ATP8A2: variants seen among roughly 807,000 people sequenced by gnomAD.
The protein encoded by ATP8A2 is ATPase phospholipid transporting 8A2, also known as phospholipid-transporting ATPase IB.
Under a neutral mutation model 165.6 loss-of-function variants are expected in ATP8A2, and 100 were observed. The observed-to-expected ratio is 0.60, with a 90% CI of 0.51 to 0.71. The LOEUF (loss-of-function observed/expected upper bound fraction) is 0.71. Ranked by LOEUF, ATP8A2 falls within the 30% of genes least tolerant of loss-of-function variation. ATP8A2 has a pLI of 0.00. For missense variants in ATP8A2, 1,227 were observed against 1,479.5 expected (o/e 0.83, Z 2.80); for synonymous variants, 543 against 548.8 (o/e 0.99, Z 0.15).
intron 33 of ATP8A2, among the ~76,000 whole-genome samples, chr13:25,931,761 C>T (rs1379300903): frequency 6.6e-6 from 1 of 152,014 alleles, no homozygotes; most frequent in Non-Finnish European, 1.5e-5. Context: ...CAGGGAAAAG[C>T]CAGGGCCAGG....
chr13:25,570,199 T>C (rs2039425098), intron 16 of ATP8A2, among the ~76,000 whole-genome samples: 1 of 152,186 alleles, frequency 6.6e-6, no homozygotes, highest in African/African-American at 2.4e-5. Context: ...GAATAGACAC[T>C]GTATAGAACA....
chr13:25,811,220 G>C (rs1168914989), intron 27 of ATP8A2, among the ~76,000 whole-genome samples: 1 of 152,122 alleles, frequency 6.6e-6, no homozygotes, highest in Admixed American at 6.5e-5. Context: ...TGTGTGAAAG[G>C]CACTTGGCAA....
chr13:25,375,022 C>A (rs902346587), intron 1 of ATP8A2, among the ~76,000 whole-genome samples: 5 of 152,210 alleles, frequency 3.3e-5, no homozygotes, highest in African/African-American at 1.2e-4. Flanking sequence ...TCTTGTTCTG[C>A]ATATTCAATT....
At chr13:25,460,505 C>T (rs547080660) in intron 1 of ATP8A2, among the ~76,000 whole-genome samples, 5 of 152,166 alleles carry the variant, frequency 3.3e-5, no homozygotes, top group Non-Finnish European at 5.9e-5. Flanking sequence ...GTGTTTGAAA[C>T]ATAGCTTTTC....
rs2041220251 is a variant in ATP8A2, at chr13:25,630,710, C to T, written c.2211+41011C>T. Among the ~76,000 whole-genome samples the T allele has an allele frequency of 2.0e-5, 3 of 152,096 alleles. No homozygotes were observed. In the South Asian group the frequency reaches 6.2e-4, roughly 32 times the overall value. The stretch of plus-strand genomic sequence containing the variant: ...ATGTAAAATATGCTTCTTAATAATA[C>T]ATGTTGGTGATAATCAGATAAATGG... On this transcript the variant is annotated intron_variant, in intron 24 of 36. Transcript: ENST00000381655.
At position 25,513,424 on chromosome 13, in the gene ATP8A2, A is replaced by C. The variant is rs557318720; in HGVS notation, c.222-16575A>C. On this transcript the variant is annotated intron_variant, in intron 2 of 36. Transcript: ENST00000381655. ...TGGCGGCCGGGAAGAGGCGCTCCTC[A>C]CTTCCTAGATGTGATGGCGGCCGGG... Among the ~76,000 whole-genome samples, 730 of 141,914 alleles carry C rather than the reference A, an allele frequency of 5.1e-3. 3 individuals carry two copies. The highest frequency in any genetic ancestry group is 0.011 in the African/African-American group (417 of 39,528). 93.1% of individuals were successfully genotyped at this position (141,914 alleles called of 152,430 possible).
Position 25,717,514 on chromosome 13 carries a change from A to T in ATP8A2, c.2384+18169A>T, listed in dbSNP as rs2043282729. ...GGGGAGGTCAAGTCACTTACCCTAGATCACAAAACTATGAAACTGGGTAAG... is the reference window on the plus strand; with the variant it reads ...GGGGAGGTCAAGTCACTTACCCTAGTTCACAAAACTATGAAACTGGGTAAG... On this transcript the variant is annotated intron_variant, in intron 25 of 36. Transcript: ENST00000381655. Among the ~76,000 whole-genome samples, 5 of 151,946 alleles carry T rather than the reference A, an allele frequency of 3.3e-5. No homozygotes were observed. The South Asian group carries it at 1.0e-3, about 32-fold the overall frequency.
At chr13:25,692,128 G>A (rs1344145475) in intron 24 of ATP8A2, among the ~76,000 whole-genome samples, 1 of 152,190 alleles carries the variant, frequency 6.6e-6, no homozygotes, top group East Asian at 1.9e-4. Flanking sequence ...TGGTCGACAG[G>A]GGACAGGAGA....
intron 33 of ATP8A2, chr13:25,927,279 T>A (rs1954637460): frequency 2.2e-6 from 1 of 453,998 alleles, no homozygotes; most frequent in South Asian, 1.6e-5. Context: ...TTATCACCTT[T>A]GTTGAACAAA....
rs548662440 is a variant in ATP8A2 at position 25,555,481 on chromosome 13, G to A, written c.1263+413G>A. On this transcript the variant is annotated intron_variant, in intron 13 of 36. Transcript: ENST00000381655. ...CTCGCATGTTCCGAATTTTGTCTCTGGAATATTCTAGGGAACAGTATCTTT... is the reference window on the plus strand; with the variant it reads ...CTCGCATGTTCCGAATTTTGTCTCTAGAATATTCTAGGGAACAGTATCTTT... Among the ~76,000 whole-genome samples, 3 of 152,112 alleles carry A rather than the reference G, an allele frequency of 2.0e-5. No homozygotes were observed. The East Asian group carries it at 5.8e-4, about 29-fold the overall frequency.
chr13:25,706,785 A>G (rs775724491), intron 25 of ATP8A2, among the ~76,000 whole-genome samples: 7 of 152,168 alleles, frequency 4.6e-5, no homozygotes, highest in Non-Finnish European at 7.4e-5. Context: ...CTGTAAGTCT[A>G]TCCTTGGGCT....
chr13:25,572,569 CA>C lies in ATP8A2; in HGVS notation c.1662+880del, dbSNP rs539575120. On this transcript the variant is annotated intron_variant, in intron 18 of 36. Coordinates refer to ENST00000381655, the MANE Select transcript of ATP8A2 (RefSeq NM_016529.6). ...TTTAGTGATAGGAAAATAATTATAT[CA>C]AATAGGAGGTCAAATACAGACCCTT... 1.7e-3 allele frequency among the ~76,000 whole-genome samples: 260 copies of C among 152,240 alleles called. 2 individuals are homozygous for C. The highest frequency in any genetic ancestry group is 6.0e-3 in the African/African-American group (250 of 41,544).
At chr13:25,699,569 A>G (rs1024813392) in intron 25 of ATP8A2, among the ~76,000 whole-genome samples, 1 of 152,230 alleles carries the variant, frequency 6.6e-6, no homozygotes, top group African/African-American at 2.4e-5. Context: ...GAAGATAAAA[A>G]GAGTAAGAAC....
At chr13:25,373,499 T>A (rs1274367002) in intron 1 of ATP8A2, among the ~76,000 whole-genome samples, 3 of 152,010 alleles carry the variant, frequency 2.0e-5, no homozygotes, top group African/African-American at 7.3e-5. Context: ...GAGGGCGCAG[T>A]CATACAGGTG....
chr13:25,927,431 C>G, intron 33 of ATP8A2: 2 of 349,928 alleles, frequency 5.7e-6, no homozygotes, highest in South Asian at 4.4e-5. Context: ...GAATTCTGAG[C>G]TTTTCTGGGT....
intron 24 of ATP8A2, among the ~76,000 whole-genome samples, chr13:25,662,012 G>A (rs2042061128): frequency 1.3e-5 from 2 of 152,152 alleles, no homozygotes; most frequent in Non-Finnish European, 2.9e-5. Flanking sequence ...GAATTCTGAA[G>A]TGTGATTGCC....
At chr13:25,991,679 T>C (rs9553693) in intron 35 of ATP8A2, among the ~76,000 whole-genome samples, 88,799 of 152,070 alleles carry the variant, frequency 0.58, 26,196 homozygotes, top group East Asian at 0.82. Context: ...CCATAGTTTC[T>C]TCCTGTTTAC....
At chr13:25,938,020 T>C (rs1213233272) in intron 33 of ATP8A2, among the ~76,000 whole-genome samples, 4 of 152,068 alleles carry the variant, frequency 2.6e-5, no homozygotes, top group Admixed American at 1.3e-4. Flanking sequence ...TATTCCTGTT[T>C]GCTCATGTCT....
intron 2 of ATP8A2, among the ~76,000 whole-genome samples, chr13:25,476,228 A>G (rs1305373437): frequency 7.9e-5 from 12 of 152,140 alleles, no homozygotes; most frequent in African/African-American, 2.9e-4. Context: ...TCTGGTCTTA[A>G]TGCACAAGCT....
Sources: allele counts gnomAD v4.1 joint callset (sites outside exome capture counted in the v4.1 genomes callset), GRCh38; gene constraint gnomAD v4.1.1; transcripts MANE v1.5; gene names NCBI Gene and HGNC (gene_info 2026-07-23, HGNC 2026-07-21).